Variants in MAP3K19 observed in about 807,000 individuals in gnomAD.
The protein encoded by MAP3K19 is mitogen-activated protein kinase kinase kinase 19.
In MAP3K19, 91 loss-of-function variants were observed where a neutral mutation model predicts 114.4. That is an observed-to-expected ratio of 0.80 (90% CI 0.67 to 0.95). The LOEUF (loss-of-function observed/expected upper bound fraction) is 0.95. Ranked by LOEUF, MAP3K19 falls within the 40% of genes least tolerant of loss-of-function variation. The probability of loss-of-function intolerance (pLI) is 0.00; values close to 1 mark genes in which losing one functional copy is unlikely to be tolerated. For synonymous variants in MAP3K19, 518 were observed against 530.5 expected (o/e 0.98, Z 0.32); for missense variants, 1,471 against 1,573.2 (o/e 0.94, Z 1.10).
intron 1 of MAP3K19, among the ~76,000 whole-genome samples, chr2:135,044,890 A>G (rs1688709440): frequency 6.6e-6 from 1 of 152,228 alleles, no homozygotes; most frequent in African/African-American, 2.4e-5. Context: ...TTTAATTTAC[A>G]CAAATAATAT....
Position 134,981,050 on chromosome 2 carries a change from G to A in MAP3K19, c.3691C>T (p.Pro1231Ser). The A allele has an allele frequency of 6.2e-7, 1 of 1,614,202 alleles. No homozygotes were observed. Among genetic ancestry groups the A allele is most frequent in the Non-Finnish European group, 8.5e-7 (1 of 1,180,034 alleles). ...ATGACTTCTGGGGCCATCCAATATGGAGTCCCATGCATGGACTTAAGCATG... is the reference window on the plus strand; with the variant it reads ...ATGACTTCTGGGGCCATCCAATATGAAGTCCCATGCATGGACTTAAGCATG... ...SDMLKSMHGTPYWMAPEVINE... is the reference protein window; with the variant it reads ...SDMLKSMHGTSYWMAPEVINE... Residue 1231 changes from proline to serine, a missense_variant, in exon 12 of 13, where the codon CCA becomes TCA. Pro to Ser is a moderately conservative substitution (Grantham distance 74). Coordinates refer to ENST00000392915, the MANE Select transcript of MAP3K19 (RefSeq NM_025052.5).
intron 1 of MAP3K19, among the ~76,000 whole-genome samples, chr2:135,044,976 T>G (rs1173297656): frequency 6.6e-6 from 1 of 152,166 alleles, no homozygotes; most frequent in Admixed American, 6.5e-5. Context: ...ATGTACAAGG[T>G]TTTTGGTTTT....
chr2:134,998,857 A>C lies in MAP3K19; in HGVS notation c.455T>G (p.Leu152Arg). 2 of 1,614,234 alleles carry C rather than the reference A, an allele frequency of 1.2e-6. No homozygotes were observed. Among genetic ancestry groups the C allele is most frequent in the Non-Finnish European group, 1.7e-6 (2 of 1,180,046 alleles). The change falls in exon 8 of 13, where the codon CTC becomes CGC. Residue 152 changes from leucine to arginine, a missense_variant. Leu to Arg is a moderately radical substitution (Grantham distance 102). Transcript: ENST00000392915. The stretch of plus-strand genomic sequence containing the variant: ...CAAAAAGCCCAAGTTCACATTGCAG[A>C]GCTCCCTGGAACTTTCCTCTTTTTG... ...VLQKEESSRELCNVNLGFLLP... is the reference protein window; with the variant it reads ...VLQKEESSRERCNVNLGFLLP...
chr2:134,996,166 C>G (rs1685972995), intron 8 of MAP3K19, among the ~76,000 whole-genome samples: 1 of 151,954 alleles, frequency 6.6e-6, no homozygotes, highest in Non-Finnish European at 1.5e-5. Flanking sequence ...CCTATGTTGC[C>G]CAGGCTGGTC....
chr2:134,987,777 T>C lies in MAP3K19; in HGVS notation c.1095A>G (p.Gln365=), dbSNP rs1211154036. 2 of 1,607,830 alleles carry C rather than the reference T, an allele frequency of 1.2e-6. No homozygotes were observed. The highest frequency in any genetic ancestry group is 4.5e-5 in the East Asian group (2 of 44,890). ...KTRKPEEENS[Q]YLSSRKNESS... is the part of the protein sequence containing the mutation. ...TCTCATTCTTTCTTGATGAAAGATA[T>C]TGAGAGTTCTCTTCTTCAGGTTTTC... The change falls in exon 10 of 13, where the codon CAA becomes CAG. Residue 365 remains glutamine (Q), a synonymous_variant. Transcript: ENST00000392915.
At chr2:134,965,623 T>A (rs1683278472) in intron 12 of MAP3K19, among the ~76,000 whole-genome samples, 2 of 152,126 alleles carry the variant, frequency 1.3e-5, no homozygotes, top group African/African-American at 4.8e-5. Context: ...TTCAGATACA[T>A]AAATATTTAT....
chr2:135,024,156 C>T (rs1688158283), intron 4 of MAP3K19, among the ~76,000 whole-genome samples: 1 of 152,198 alleles, frequency 6.6e-6, no homozygotes, highest in Non-Finnish European at 1.5e-5. Flanking sequence ...TAGCTTTGTC[C>T]TCTGCCCCCG....
intron 2 of MAP3K19, among the ~76,000 whole-genome samples, chr2:135,036,853 T>A (rs1395888879): frequency 6.6e-6 from 1 of 151,982 alleles, no homozygotes; most frequent in Admixed American, 6.6e-5. Context: ...TGGAGTCCAA[T>A]GGTGCTAAGA....
intron 10 of MAP3K19, 143 bp from the exon 11 acceptor site, chr2:134,983,968 C>T (rs1254539635): frequency 3.6e-6 from 2 of 557,924 alleles, no homozygotes; most frequent in East Asian, 6.1e-5. Flanking sequence ...CATCATTCCC[C>T]CAAATGACCA....
At position 134,986,295 on chromosome 2, in the gene MAP3K19, G is replaced by T. The variant is rs772548030; in HGVS notation, c.2577C>A (p.Pro859=). The change falls in exon 10 of 13, where the codon CCC becomes CCA. Residue 859 remains proline, a synonymous_variant. Coordinates refer to ENST00000392915, the MANE Select transcript of MAP3K19 (RefSeq NM_025052.5). ...CATACTTGTTAGAATTCTTCTCACTGGGCACTGCCCAGCTGTCTTCTGAAG... is the reference window on the plus strand; with the variant it reads ...CATACTTGTTAGAATTCTTCTCACTTGGCACTGCCCAGCTGTCTTCTGAAG... ...FIPSEDSWAV[P]SEKNSNKYVQ... 1.9e-6 allele frequency: 3 copies of T among 1,614,002 alleles called. No homozygotes were observed. Among genetic ancestry groups the T allele is most frequent in the Middle Eastern group, 1.6e-4 (1 of 6,062 alleles).
At chr2:135,046,259 A>G (rs1045892898) in intron 1 of MAP3K19, among the ~76,000 whole-genome samples, 8 of 151,982 alleles carry the variant, frequency 5.3e-5, no homozygotes, top group African/African-American at 1.9e-4. Context: ...TCAATTTTCC[A>G]TTTAGAATTG....
rs142196036 is a variant in MAP3K19 at position 134,978,123 on chromosome 2, G to A, written c.3920+2698C>T. ...GCATTTCTGTTAGCTTCCATTGTGA[G>A]CATTTTCAAAATATTTTCCTCAGCC... On this transcript the variant is annotated intron_variant, in intron 12 of 12. Coordinates refer to ENST00000392915, the MANE Select transcript of MAP3K19 (RefSeq NM_025052.5). Among the ~76,000 whole-genome samples, 15 of 151,966 alleles carry A rather than the reference G, an allele frequency of 9.9e-5. No homozygotes were observed. In the East Asian group the frequency reaches 2.9e-3, roughly 29 times the overall value.
intron 5 of MAP3K19, among the ~76,000 whole-genome samples, chr2:135,010,956 C>A (rs944431115): frequency 1.1e-4 from 17 of 152,082 alleles, no homozygotes; most frequent in African/African-American, 3.4e-4. Context: ...AAAGAAGATT[C>A]TCCTCAGGTG....
At chr2:134,993,522 C>T (rs1296502604) in intron 8 of MAP3K19, among the ~76,000 whole-genome samples, 1 of 152,176 alleles carries the variant, frequency 6.6e-6, no homozygotes. Context: ...GATCTTTGCT[C>T]TTTGCTCCCA....
At chr2:134,991,427 C>T (rs1015723138) in intron 9 of MAP3K19, 110 bp downstream of exon 9, 3 of 901,546 alleles carry the variant, frequency 3.3e-6, no homozygotes, top group Admixed American at 1.8e-5. Flanking sequence ...TGACCCTACC[C>T]CCTGCATTGT....
At position 134,987,647 on chromosome 2, in the gene MAP3K19, C is replaced by T. The variant is rs762234641; in HGVS notation, c.1225G>A (p.Glu409Lys). ...HSEITPSQDEEMRNNKAASKR... is the reference protein window; with the variant it reads ...HSEITPSQDEKMRNNKAASKR... Reference sequence around the variant, plus strand: ...GAAGCAGCTTTATTATTTCTCATCTCTTCATCCTGGCTTGGAGTTATTTCT... The same window carrying T: ...GAAGCAGCTTTATTATTTCTCATCTTTTCATCCTGGCTTGGAGTTATTTCT... The change falls in exon 10 of 13, where the codon GAG (glutamate) becomes AAG (lysine). Residue 409 changes from glutamate to lysine, a missense_variant. Transcript: ENST00000392915. The T allele has an allele frequency of 6.2e-7, 1 of 1,614,110 alleles. No individual in the cohort carries two copies. Among genetic ancestry groups the T allele is most frequent in the Admixed American group, 1.7e-5 (1 of 60,022 alleles).
chr2:135,041,924 C>G (rs1400553732), intron 1 of MAP3K19, among the ~76,000 whole-genome samples: 1 of 152,094 alleles, frequency 6.6e-6, no homozygotes, highest in Non-Finnish European at 1.5e-5. Flanking sequence ...TGAACATGTA[C>G]AGAAACACAG....
At chr2:134,975,502 G>A (rs200526701) in intron 12 of MAP3K19, among the ~76,000 whole-genome samples, 3 of 152,272 alleles carry the variant, frequency 2.0e-5, no homozygotes, top group South Asian at 2.1e-4. Context: ...AGTGGTACAC[G>A]CAGGGGTCAG....
intron 4 of MAP3K19, 25 bp from the exon 5 acceptor site, chr2:135,021,855 G>GTTTC: frequency 2.1e-6 from 3 of 1,395,940 alleles, no homozygotes; most frequent in Non-Finnish European, 3.0e-6. Context: ...ATAATAGTAT[G>GTTTC]TTTTGATAAG....
Sources: gnomAD v4.1 joint callset for allele counts (sites outside exome capture counted in the v4.1 genomes callset) on GRCh38, gnomAD v4.1.1 for gene constraint, MANE v1.5 for transcripts, NCBI Gene and HGNC (gene_info 2026-07-23, HGNC 2026-07-21) for gene names.